ABI3BP: variants seen among roughly 807,000 people sequenced by gnomAD.
ABI3BP encodes ABI family member 3 binding protein, also known as target of Nesh-SH3.
A neutral mutation model predicts 268.6 loss-of-function variants in ABI3BP; 216 were observed. That is an observed-to-expected ratio of 0.80 (90% CI 0.72 to 0.90). The LOEUF is 0.90. ABI3BP is among the 40% of genes least tolerant of loss of function. ABI3BP has a pLI of 0.00. For synonymous variants in ABI3BP, 730 were observed against 730.0 expected, an observed-to-expected ratio of 1.00 and a Z score of 0.00; for missense variants, 2,090 against 2,182.4, an observed-to-expected ratio of 0.96 and a Z score of 0.84.
intron 9 of ABI3BP, among the ~76,000 whole-genome samples, chr3:100,874,161 A>C (rs2153247136): frequency 6.6e-6 from 1 of 152,214 alleles, no homozygotes; most frequent in Admixed American, 6.5e-5. Context: ...TACCGGACCT[A>C]CTGAATCAGT....
chr3:100,873,095 C>T (rs1055121088), intron 9 of ABI3BP, among the ~76,000 whole-genome samples: 19 of 152,234 alleles, frequency 1.2e-4, no homozygotes, highest in African/African-American at 4.3e-4. Flanking sequence ...CAGCACCTAA[C>T]GAGAACTTAA....
intron 1 of ABI3BP, among the ~76,000 whole-genome samples, chr3:100,950,158 T>C (rs1223888438): frequency 6.6e-6 from 1 of 152,214 alleles, no homozygotes; most frequent in Non-Finnish European, 1.5e-5. Flanking sequence ...ATTCATTCTA[T>C]ATAGATGCTG....
At chr3:100,919,159 T>C (rs1478548917) in intron 2 of ABI3BP, among the ~76,000 whole-genome samples, 2 of 152,106 alleles carry the variant, frequency 1.3e-5, no homozygotes, top group Non-Finnish European at 2.9e-5. Flanking sequence ...TTTATCCTGT[T>C]TCTTTTTTTC....
At chr3:100,885,472 C>G (rs1223580615) in intron 6 of ABI3BP, 64 bp downstream of exon 6, 1 of 924,664 alleles carries the variant, frequency 1.1e-6, no homozygotes, top group East Asian at 2.8e-5. Flanking sequence ...TATAATAAGA[C>G]TATTTCCTTA....
At chr3:100,825,230 C>T (rs2098353140) in intron 35 of ABI3BP, among the ~76,000 whole-genome samples, 1 of 152,026 alleles carries the variant, frequency 6.6e-6, no homozygotes, top group South Asian at 2.1e-4. Flanking sequence ...GGGCAGAGTA[C>T]TCAATGAGAA....
At chr3:100,833,495 A>G (rs774687228) in intron 29 of ABI3BP, among the ~76,000 whole-genome samples, 42 of 152,354 alleles carry the variant, frequency 2.8e-4, no homozygotes, top group Non-Finnish European at 5.0e-4. Context: ...TAGTTACACT[A>G]TAAACTGGAA....
At chr3:100,832,726 T>G (rs914190121) in intron 30 of ABI3BP, among the ~76,000 whole-genome samples, 2 of 151,800 alleles carry the variant, frequency 1.3e-5, no homozygotes, top group Non-Finnish European at 2.9e-5. Flanking sequence ...GGTAACTTAC[T>G]AGACTAAGTA....
Position 100,763,871 on chromosome 3 carries a change from A to G in ABI3BP, c.4850+1970T>C, listed in dbSNP as rs147527446. 8.8e-3 allele frequency among the ~76,000 whole-genome samples: 1,341 copies of G among 152,296 alleles called. 12 individuals are homozygous for G. The highest frequency in any genetic ancestry group is 0.014 in the Non-Finnish European group (961 of 68,010). On this transcript the variant is annotated intron_variant, in intron 63 of 67. Coordinates refer to ENST00000471714, the MANE Select transcript of ABI3BP (RefSeq NM_001375547.2). ...TTCCAGCAACTGTTGCTCAATATAA[A>G]CAGGCTCAAATACTAAAAGTGATTA... is the stretch of plus-strand genomic sequence containing the variant.
chr3:100,929,103 G>A lies in ABI3BP; in HGVS notation c.80-2622C>T, dbSNP rs145128499. Among the ~76,000 whole-genome samples the A allele has an allele frequency of 4.6e-5, 7 of 152,106 alleles. No individual in the cohort carries two copies. In the East Asian group the frequency reaches 9.7e-4, roughly 21 times the overall value. On this transcript the variant is annotated intron_variant, in intron 1 of 67. Transcript: ENST00000471714. ...TTAGAAGGCTATCAAGTCTCACAAC[G>A]AATCTAAACTCAACCAGCTTATTTC... is the stretch of plus-strand genomic sequence containing the variant.
At chr3:100,758,526 T>C (rs2095759893) in intron 63 of ABI3BP, among the ~76,000 whole-genome samples, 1 of 152,176 alleles carries the variant, frequency 6.6e-6, no homozygotes, top group Non-Finnish European at 1.5e-5. Flanking sequence ...ACACTTGCTT[T>C]TTGCTTGTGA....
At chr3:100,849,992 C>A (rs1253834110) in intron 17 of ABI3BP, 53 bp downstream of exon 17, 3 of 1,476,458 alleles carry the variant, frequency 2.0e-6, no homozygotes, top group East Asian at 4.6e-5. Context: ...CATGACTTCT[C>A]ACATTACCTG....
intron 1 of ABI3BP, chr3:100,945,520 C>A: frequency 2.7e-6 from 1 of 364,472 alleles, no homozygotes; most frequent in East Asian, 8.3e-5. Flanking sequence ...CCACCCTTAG[C>A]TCTAGGCAAC....
In ABI3BP at chr3:100,903,983, G is replaced by A. The variant is rs149483182; in HGVS notation, c.260-1297C>T. Among the ~76,000 whole-genome samples, 657 of 152,258 alleles carry A rather than the reference G, an allele frequency of 4.3e-3. 4 individuals carry two copies. The highest frequency in any genetic ancestry group is 0.014 in the African/African-American group (602 of 41,554). Reference sequence around the variant, plus strand: ...AAGCACATCTTGCTTAGTGAGGCTCGTACAAGGAATGCTGGACCCAAATCA... The same window carrying A: ...AAGCACATCTTGCTTAGTGAGGCTCATACAAGGAATGCTGGACCCAAATCA... On this transcript the variant is annotated intron_variant, in intron 2 of 67. Transcript: ENST00000471714.
At chr3:100,848,751 A>G in intron 18 of ABI3BP, 50 bp downstream of exon 18, 4 of 1,554,118 alleles carry the variant, frequency 2.6e-6, no homozygotes, top group Non-Finnish European at 3.6e-6. Flanking sequence ...AAGAAAATGG[A>G]CATTGTCTAT....
chr3:100,947,531 C>T (rs1330859285), intron 1 of ABI3BP, among the ~76,000 whole-genome samples: 1 of 152,130 alleles, frequency 6.6e-6, no homozygotes, highest in Non-Finnish European at 1.5e-5. Flanking sequence ...TTCCTCACTT[C>T]ACTCAAAACT....
intron 34 of ABI3BP, among the ~76,000 whole-genome samples, chr3:100,827,864 G>C (rs1326278586): frequency 1.3e-5 from 2 of 151,978 alleles, no homozygotes. Flanking sequence ...TTTATACTAA[G>C]GATACAGTTT....
intron 31 of ABI3BP, 123 bp downstream of exon 31, chr3:100,832,141 C>CCAGTA (rs2098504529): frequency 4.7e-6 from 4 of 857,152 alleles, no homozygotes; most frequent in Non-Finnish European, 6.9e-6. Flanking sequence ...TCCTCACTAA[C>CCAGTA]CAGTAGCTTT....
intron 14 of ABI3BP, among the ~76,000 whole-genome samples, chr3:100,853,973 A>G (rs1381503577): frequency 6.6e-6 from 1 of 152,174 alleles, no homozygotes; most frequent in Non-Finnish European, 1.5e-5. Flanking sequence ...TATGCCACTA[A>G]AAGTTTTATG....
At chr3:100,843,621 A>T (rs1421968564) in intron 20 of ABI3BP, 1 of 983,786 alleles carries the variant, frequency 1.0e-6, no homozygotes, top group Non-Finnish European at 1.2e-6. Context: ...GAGAGTATGC[A>T]TGTGAGAGAG....
Sources: allele counts gnomAD v4.1 joint callset (sites outside exome capture counted in the v4.1 genomes callset), GRCh38; gene constraint gnomAD v4.1.1; transcripts MANE v1.5; gene names NCBI Gene and HGNC (gene_info 2026-07-23, HGNC 2026-07-21).